The following FER variants were observed in gnomAD, a reference collection of about 807,000 sequenced individuals.
The protein encoded by FER is tyrosine-protein kinase Fer.
In FER, 63 loss-of-function variants were observed where a neutral mutation model predicts 111.0. The ratio of observed to expected loss-of-function variants is 0.57; its 90% CI spans 0.46 to 0.70. The LOEUF is 0.70. FER is among the 30% of genes least tolerant of loss of function. The pLI is 0.00. For synonymous variants in FER, 327 were observed against 313.9 expected, an observed-to-expected ratio of 1.04 and a Z score of -0.44; for missense variants, 914 against 954.0, an observed-to-expected ratio of 0.96 and a Z score of 0.55.
At chr5:108,959,590 T>C (rs961234406) in intron 13 of FER, among the ~76,000 whole-genome samples, 1 of 152,002 alleles carries the variant, frequency 6.6e-6, no homozygotes, top group African/African-American at 2.4e-5. Context: ...TTTTTTCCCC[T>C]TTCCTAGTTT....
At chr5:109,098,502 ATG>A (rs1747811682) in intron 16 of FER, among the ~76,000 whole-genome samples, 1 of 151,734 alleles carries the variant, frequency 6.6e-6, no homozygotes, top group African/African-American at 2.4e-5. Context: ...ACAGAATACT[ATG>A]TGGTTTCAAA....
At chr5:108,911,364 A>G (rs888500115) in intron 10 of FER, among the ~76,000 whole-genome samples, 11 of 152,028 alleles carry the variant, frequency 7.2e-5, no homozygotes, top group African/African-American at 2.7e-4. Context: ...GATTCTGGAT[A>G]TTAGTACTTT....
At chr5:109,147,224 AAAAT>A (rs1754322382) in intron 17 of FER, among the ~76,000 whole-genome samples, 1 of 152,084 alleles carries the variant, frequency 6.6e-6, no homozygotes, top group Non-Finnish European at 1.5e-5. Context: ...ATACAGAATA[AAAAT>A]AAATAAGATA....
At chr5:108,805,357 T>C (rs1249818361) in intron 3 of FER, among the ~76,000 whole-genome samples, 1 of 152,178 alleles carries the variant, frequency 6.6e-6, no homozygotes, top group African/African-American at 2.4e-5. Flanking sequence ...CTTTTGTAAA[T>C]TGGCCAGTCT....
chr5:108,770,518 A>C (rs1040350363), intron 2 of FER, among the ~76,000 whole-genome samples: 5 of 152,132 alleles, frequency 3.3e-5, no homozygotes, highest in Non-Finnish European at 7.3e-5. Context: ...TGTATTGCCC[A>C]GGCTGGAGTG....
intron 10 of FER, among the ~76,000 whole-genome samples, chr5:108,933,366 C>T (rs1754977094): frequency 6.6e-6 from 1 of 152,066 alleles, no homozygotes; most frequent in Non-Finnish European, 1.5e-5. Context: ...TTCCCCATTG[C>T]TTGTTTTTGT....
intron 1 of FER, among the ~76,000 whole-genome samples, chr5:108,753,808 C>T (rs560525790): frequency 1.3e-5 from 2 of 152,212 alleles, no homozygotes; most frequent in South Asian, 2.1e-4. Context: ...ATGGGCAGAC[C>T]AGCCTATGGT....
intron 6 of FER, among the ~76,000 whole-genome samples, chr5:108,870,316 A>C (rs1394342264): frequency 6.6e-6 from 1 of 152,098 alleles, no homozygotes; most frequent in Non-Finnish European, 1.5e-5. Flanking sequence ...AATGTTAATG[A>C]TCTCCACATT....
At chr5:109,002,689 T>A (rs1412090425) in intron 13 of FER, among the ~76,000 whole-genome samples, 1 of 151,960 alleles carries the variant, frequency 6.6e-6, no homozygotes, top group Non-Finnish European at 1.5e-5. Context: ...ACAGGCAACC[T>A]ACAAAATGGG....
In FER at chr5:109,187,331, C is replaced by T. The variant is rs1002366204; in HGVS notation, c.2327-102C>T. 9 of 1,220,530 alleles carry T rather than the reference C, an allele frequency of 7.4e-6. No homozygotes were observed. In the Admixed American group the frequency reaches 2.1e-4, roughly 29 times the overall value. 75.6% of individuals were successfully genotyped at this position (1,220,530 alleles called of 1,614,324 possible). A position where few individuals can be genotyped will look rare whatever the true frequency, so the allele number is the denominator to read the frequency against. On this transcript the variant is annotated intron_variant, in intron 19 of 19. Transcript: ENST00000281092. ...TGGATGTTTTGTTTCCATATAACTA[C>T]AACATAAGGTACCAAAAGTTAATAA...
chr5:109,003,562 CA>C, intron 13 of FER, among the ~76,000 whole-genome samples: 2 of 151,982 alleles, frequency 1.3e-5, no homozygotes, highest in Non-Finnish European at 2.9e-5. Context: ...CACATGTATA[CA>C]TATGTAACAA....
intron 10 of FER, among the ~76,000 whole-genome samples, chr5:108,918,108 C>G (rs72792001): frequency 0.11 from 16,847 of 152,134 alleles, 1,048 homozygotes; most frequent in Middle Eastern, 0.16. Flanking sequence ...CCTAGAGCTA[C>G]TATTTTGTCT....
intron 17 of FER, among the ~76,000 whole-genome samples, chr5:109,178,776 CTTTA>C (rs1339404795): frequency 6.6e-6 from 1 of 152,132 alleles, no homozygotes; most frequent in Non-Finnish European, 1.5e-5. Flanking sequence ...CTTAAAATTA[CTTTA>C]TTTTAGAGCC....
chr5:108,833,558 C>T (rs1163005513), intron 4 of FER, among the ~76,000 whole-genome samples: 2 of 150,882 alleles, frequency 1.3e-5, no homozygotes, highest in Non-Finnish European at 2.9e-5. Context: ...GAATGTATAG[C>T]TAAAATAAGT....
chr5:108,878,747 TG>T (rs757105349), intron 8 of FER, among the ~76,000 whole-genome samples: 27 of 152,172 alleles, frequency 1.8e-4, no homozygotes, highest in Non-Finnish European at 3.5e-4. Flanking sequence ...GTGAGGCACC[TG>T]AGAACTAAGC....
rs186843445 is a variant in FER at position 109,191,474 on chromosome 5, G to T, written c.*3899G>T. ...CTGCCCTGGTTAGTGCTGAGTCATC[G>T]CAAGACTTGCTTTTGCATTTAGGAA... On this transcript the variant is annotated 3_prime_UTR_variant, in exon 20 of 20. Transcript: ENST00000281092. 6.6e-6 allele frequency: 1 copy of T among 152,166 alleles called. No individual in the cohort carries two copies. Among genetic ancestry groups the T allele is most frequent in the Admixed American group, 6.5e-5 (1 of 15,280 alleles). The allele number at this position is 152,166 out of a possible 1,614,324, so 9.4% of individuals were successfully genotyped here.
chr5:109,059,675 G>A (rs1295304962), intron 16 of FER, among the ~76,000 whole-genome samples: 1 of 152,198 alleles, frequency 6.6e-6, no homozygotes, highest in Non-Finnish European at 1.5e-5. Context: ...GAAGAGTGGA[G>A]CTCTAATAAG....
At chr5:108,901,454 A>G (rs1374771981) in intron 10 of FER, among the ~76,000 whole-genome samples, 2 of 152,122 alleles carry the variant, frequency 1.3e-5, no homozygotes, top group Admixed American at 6.6e-5. Context: ...TTGTTAAATC[A>G]GGTGATTATG....
At chr5:109,048,678 G>C (rs1772328154) in intron 16 of FER, among the ~76,000 whole-genome samples, 1 of 152,002 alleles carries the variant, frequency 6.6e-6, no homozygotes, top group Non-Finnish European at 1.5e-5. Context: ...ATAATAAAAG[G>C]TAGAAAATTG....
Sources: allele counts gnomAD v4.1 joint callset (sites outside exome capture counted in the v4.1 genomes callset), GRCh38; gene constraint gnomAD v4.1.1; transcripts MANE v1.5; gene names NCBI Gene and HGNC (gene_info 2026-07-23, HGNC 2026-07-21).